Variants in USP47 observed in about 807,000 individuals in gnomAD.
USP47 encodes ubiquitin carboxyl-terminal hydrolase 47.
USP47 carries 35 observed loss-of-function variants against 165.1 expected under a neutral mutation model. That is an observed-to-expected ratio of 0.21 (90% CI 0.16 to 0.28). USP47 has a LOEUF of 0.28. USP47 is among the 10% of genes least tolerant of loss of function. USP47 has a pLI of 1.00. For synonymous variants in USP47, 531 were observed against 544.5 expected (o/e 0.98, Z 0.35); for missense variants, 1,277 against 1,607.4 (o/e 0.79, Z 3.52).
At chr11:11,933,775 C>T (rs1256577947) in intron 15 of USP47, 56 bp from the exon 16 acceptor site, 8 of 1,215,772 alleles carry the variant, frequency 6.6e-6, no homozygotes, top group South Asian at 1.3e-5. Flanking sequence ...ATGCTATCTA[C>T]GGAAGAATTG....
At chr11:11,922,350 C>T (rs984691964) in intron 10 of USP47, among the ~76,000 whole-genome samples, 2 of 151,888 alleles carry the variant, frequency 1.3e-5, no homozygotes, top group Non-Finnish European at 2.9e-5. Flanking sequence ...TATATTCTTT[C>T]CTGATTTGAG....
At chr11:11,845,127 A>G (rs1848356785) in intron 1 of USP47, among the ~76,000 whole-genome samples, 2 of 152,210 alleles carry the variant, frequency 1.3e-5, no homozygotes, top group Admixed American at 1.3e-4. Flanking sequence ...TTGTATGGCT[A>G]CAACAGCAGA....
chr11:11,943,279 C>A (rs1855608032), intron 20 of USP47, 167 bp downstream of exon 20: 2 of 600,804 alleles, frequency 3.3e-6, no homozygotes, highest in African/African-American at 1.9e-5. Flanking sequence ...TAGACCTGTG[C>A]AGTAAATTAG....
intron 8 of USP47, among the ~76,000 whole-genome samples, chr11:11,909,292 T>C (rs1015357784): frequency 6.6e-6 from 1 of 152,322 alleles, no homozygotes; most frequent in South Asian, 2.1e-4. Context: ...ATAATTTTGC[T>C]CTTAATGACT....
At chr11:11,946,791 A>G (rs1410519435) in intron 20 of USP47, among the ~76,000 whole-genome samples, 1 of 152,194 alleles carries the variant, frequency 6.6e-6, no homozygotes, top group Non-Finnish European at 1.5e-5. Context: ...CTCAAAAGGT[A>G]GATAGTAAAT....
chr11:11,933,383 G>A (rs866616363), intron 15 of USP47, among the ~76,000 whole-genome samples: 6 of 152,002 alleles, frequency 3.9e-5, no homozygotes, highest in East Asian at 1.9e-4. Context: ...AAATAAATCC[G>A]TAAAAACTGG....
chr11:11,946,482 AT>A (rs1450633681), intron 20 of USP47, among the ~76,000 whole-genome samples: 2 of 152,208 alleles, frequency 1.3e-5, no homozygotes, highest in African/African-American at 4.8e-5. Flanking sequence ...CTTTTACTAC[AT>A]TTGTCACAAC....
chr11:11,893,478 C>T (rs536929830), intron 4 of USP47, among the ~76,000 whole-genome samples: 1 of 152,078 alleles, frequency 6.6e-6, no homozygotes, highest in South Asian at 2.1e-4. Context: ...GCTTTGTCAC[C>T]CAGGCTGGAG....
At chr11:11,950,984 A>G (rs975769063) in intron 24 of USP47, 3 of 152,576 alleles carry the variant, frequency 2.0e-5, no homozygotes, top group African/African-American at 7.2e-5. Flanking sequence ...AACAATGACT[A>G]TTTGTGTCCT....
chr11:11,921,238 T>TTTTTG (rs994505522), intron 10 of USP47, among the ~76,000 whole-genome samples: 19 of 151,796 alleles, frequency 1.3e-4, no homozygotes, highest in African/African-American at 2.9e-4. Flanking sequence ...AAGCGTTTTT[T>TTTTTG]TTTTGTTTTG....
At chr11:11,842,256 G>A (rs1163172095) in intron 1 of USP47, 32 bp downstream of exon 1, 1 of 1,548,884 alleles carries the variant, frequency 6.5e-7, no homozygotes, top group Non-Finnish European at 8.7e-7. Flanking sequence ...TAGGCCTTAG[G>A]CCTGCGGCCG....
Position 11,903,336 on chromosome 11 carries a change from A to G in USP47, c.813A>G (p.Thr271=), listed in dbSNP as rs778077764. The G allele has an allele frequency of 2.2e-5, 36 of 1,611,798 alleles. No homozygotes were observed. The highest frequency in any genetic ancestry group is 5.5e-5 in the South Asian group (5 of 90,628). ...FDALEQKWKQ[T]EQADLINELY... ...CTTTGGAACAGAAATGGAAGCAAAC[A>G]GAACAGGTAATTTATATCTCTCAAA... Residue 271 remains threonine, a synonymous_variant, in exon 7 of 28, where the codon ACA becomes ACG. Transcript: ENST00000527733.
chr11:11,913,236 T>C (rs1344687758), intron 8 of USP47, among the ~76,000 whole-genome samples: 2 of 137,588 alleles, frequency 1.5e-5, no homozygotes, highest in African/African-American at 2.7e-5. Context: ...GATATGATTA[T>C]CTATGTAGAA....
chr11:11,858,928 A>G (rs1214112716), intron 1 of USP47, among the ~76,000 whole-genome samples: 2 of 152,244 alleles, frequency 1.3e-5, no homozygotes, highest in Non-Finnish European at 2.9e-5. Context: ...AAACACTGCC[A>G]AACTCTTTTC....
rs2134952587 is a variant in USP47 at position 11,959,466 on chromosome 11, TCA to T, written c.*3292_*3293del. On this transcript the variant is annotated 3_prime_UTR_variant, in exon 28 of 28. Coordinates refer to ENST00000527733, the MANE Select transcript of USP47 (RefSeq NM_001282659.2). ...TAGTAGGACAGTTTTTATGAGGGTT[TCA>T]AAGGAGTTCATGGCCCAAATGAAGC... 1 of 152,308 alleles carries T rather than the reference TCA, an allele frequency of 6.6e-6. No individual in the cohort carries two copies. The highest frequency in any genetic ancestry group is 2.1e-4 in the South Asian group (1 of 4,828). The allele number at this position is 152,308 out of a possible 1,614,324, so 9.4% of individuals were successfully genotyped here.
At chr11:11,878,199 A>G (rs1850604144) in intron 1 of USP47, among the ~76,000 whole-genome samples, 1 of 152,160 alleles carries the variant, frequency 6.6e-6, no homozygotes, top group Non-Finnish European at 1.5e-5. Context: ...ATGTCTGACC[A>G]TATGATGTTG....
Position 11,959,747 on chromosome 11 carries a change from C to G in USP47, c.*3572C>G, listed in dbSNP as rs1004563122. 9.9e-5 allele frequency among the ~76,000 whole-genome samples: 15 copies of G among 152,116 alleles called. No individual in the cohort carries two copies. Among genetic ancestry groups the G allele is most frequent in the Non-Finnish European group, 2.2e-4 (15 of 68,016 alleles). On this transcript the variant is annotated 3_prime_UTR_variant, in exon 28 of 28. Transcript: ENST00000527733. ...GTTGAGAGGAATGCTCTGCCCCTTCCCCATCACAGCACTGCCCCTTTCCAC... is the reference window on the plus strand; with the variant it reads ...GTTGAGAGGAATGCTCTGCCCCTTCGCCATCACAGCACTGCCCCTTTCCAC...
At chr11:11,887,984 A>C (rs1443550583) in intron 3 of USP47, among the ~76,000 whole-genome samples, 1 of 152,232 alleles carries the variant, frequency 6.6e-6, no homozygotes, top group Non-Finnish European at 1.5e-5. Flanking sequence ...AATGACATTA[A>C]GGCAGAAATC....
chr11:11,928,275 C>CT (rs1435818540), intron 11 of USP47, among the ~76,000 whole-genome samples: 1 of 151,970 alleles, frequency 6.6e-6, no homozygotes. Flanking sequence ...TTGTTCAATG[C>CT]TTTAAACACA....
Sources: allele counts gnomAD v4.1 joint callset (sites outside exome capture counted in the v4.1 genomes callset), GRCh38; gene constraint gnomAD v4.1.1; transcripts MANE v1.5; gene names NCBI Gene and HGNC (gene_info 2026-07-23, HGNC 2026-07-21).